The following GRAMD2A variants were observed in gnomAD, a reference collection of about 807,000 sequenced individuals.
GRAMD2A encodes the protein GRAM domain containing 2A, also known as GRAM domain-containing protein 2A.
Under a neutral mutation model 51.1 loss-of-function variants are expected in GRAMD2A, and 37 were observed. The ratio of observed to expected loss-of-function variants is 0.72; its 90% confidence interval spans 0.56 to 0.95. The LOEUF is 0.95. Among genes scored for constraint, GRAMD2A ranks in the 40% least tolerant of loss-of-function variants. The probability of loss-of-function intolerance (pLI) is 0.00; values close to 1 mark genes in which losing one functional copy is unlikely to be tolerated. For synonymous variants in GRAMD2A, 136 were observed against 157.1 expected, an observed-to-expected ratio of 0.87 and a Z score of 1.01; for missense variants, 414 against 426.9, an observed-to-expected ratio of 0.97 and a Z score of 0.27.
chr15:72,183,187 GT>G (rs963853579), intron 1 of GRAMD2A, among the ~76,000 whole-genome samples: 137 of 144,736 alleles, frequency 9.5e-4, no homozygotes, highest in African/African-American at 2.6e-3. Context: ...GGGTTTTGTT[GT>G]TTTTTTTTTT....
At chr15:72,193,121 C>T (rs995549963) in intron 1 of GRAMD2A, among the ~76,000 whole-genome samples, 48 of 150,734 alleles carry the variant, frequency 3.2e-4, no homozygotes, top group Non-Finnish European at 4.9e-4. Context: ...AGTGACAGTT[C>T]GTCTCAAAAA....
intron 1 of GRAMD2A, among the ~76,000 whole-genome samples, chr15:72,185,189 G>GTTT (rs761749553): frequency 8.6e-5 from 12 of 139,954 alleles, no homozygotes; most frequent in African/African-American, 1.6e-4. Flanking sequence ...TTTTGTTCCA[G>GTTT]TTTTTTTTTT....
Position 72,168,472 on chromosome 15 carries a change from A to G in GRAMD2A, c.268+19T>C. On this transcript the variant is annotated intron_variant, in intron 4 of 11. Transcript: ENST00000309731. ...AGGCACTCTGGGTGCCTAACCAGCT[A>G]TACCGGGAGACAGCTCACCTTTGAG... is the stretch of plus-strand genomic sequence containing the variant. 6.2e-7 allele frequency: 1 copy of G among 1,602,046 alleles called. No individual in the cohort carries two copies. Among genetic ancestry groups the G allele is most frequent in the Non-Finnish European group, 8.6e-7 (1 of 1,169,394 alleles).
At chr15:72,180,941 C>T (rs770333320) in intron 1 of GRAMD2A, among the ~76,000 whole-genome samples, 4 of 152,176 alleles carry the variant, frequency 2.6e-5, no homozygotes, top group Non-Finnish European at 5.9e-5. Flanking sequence ...CCAGGAGGGA[C>T]CTCTATTAGG....
chr15:72,163,202 G>T (rs568006425), intron 10 of GRAMD2A, 64 bp downstream of exon 10: 1 of 1,107,924 alleles, frequency 9.0e-7, no homozygotes, highest in Non-Finnish European at 1.4e-6. Context: ...ACACTCCAAG[G>T]CCCTTGTTCC....
intron 1 of GRAMD2A, chr15:72,176,031 C>T (rs1229616512): frequency 6.6e-6 from 1 of 152,452 alleles, no homozygotes; most frequent in African/African-American, 2.4e-5. Flanking sequence ...CCTCAAGGCA[C>T]TCAGCCCAGG....
intron 1 of GRAMD2A, among the ~76,000 whole-genome samples, chr15:72,181,935 A>G (rs2081699724): frequency 6.6e-6 from 1 of 152,258 alleles, no homozygotes; most frequent in Non-Finnish European, 1.5e-5. Context: ...TGGGTACACA[A>G]GGAACAGAAG....
chr15:72,166,788 A>G lies in GRAMD2A; in HGVS notation c.472-85T>C. The G allele has an allele frequency of 8.3e-7, 1 of 1,201,988 alleles. No homozygotes were observed. 74.5% of individuals were successfully genotyped at this position (1,201,988 alleles called of 1,614,324 possible). A position where few individuals can be genotyped will look rare whatever the true frequency, so the allele number is the denominator to read the frequency against. Reference sequence around the variant, plus strand: ...GCCAGCCCCCTTGTGGATTGGGCACAGGCCCACAGGGGTATCAGGCCATGA... The same window carrying G: ...GCCAGCCCCCTTGTGGATTGGGCACGGGCCCACAGGGGTATCAGGCCATGA... On this transcript the variant is annotated intron_variant, in intron 6 of 11. Coordinates refer to ENST00000309731, the MANE Select transcript of GRAMD2A (RefSeq NM_001012642.3). This position sits in a 1 kb window ranked among gnomAD's most constrained non-coding sequence, Gnocchi z 4.1.
chr15:72,164,841 A>G (rs2081523925), intron 8 of GRAMD2A, among the ~76,000 whole-genome samples: 1 of 152,150 alleles, frequency 6.6e-6, no homozygotes, highest in Admixed American at 6.5e-5. Flanking sequence ...TGTTCTACTC[A>G]GAAAGTCAGC....
chr15:72,165,777 A>C (rs2081536338), intron 7 of GRAMD2A, among the ~76,000 whole-genome samples: 1 of 152,216 alleles, frequency 6.6e-6, no homozygotes, highest in Non-Finnish European at 1.5e-5. Context: ...AGATTTTTCA[A>C]CTTTATGATG....
chr15:72,182,219 G>T (rs561876553), intron 1 of GRAMD2A, among the ~76,000 whole-genome samples: 1 of 152,062 alleles, frequency 6.6e-6, no homozygotes, highest in East Asian at 1.9e-4. Context: ...ACAAAAATCA[G>T]CTGGGCGTGG....
intron 1 of GRAMD2A, among the ~76,000 whole-genome samples, chr15:72,192,068 T>A (rs776074426): frequency 1.9e-4 from 29 of 152,344 alleles, no homozygotes; most frequent in Non-Finnish European, 3.1e-4. Context: ...TTAAAGGCTC[T>A]TTTATAGATA....
At chr15:72,173,312 T>C (rs1350335278) in intron 1 of GRAMD2A, among the ~76,000 whole-genome samples, 1 of 152,104 alleles carries the variant, frequency 6.6e-6, no homozygotes, top group Non-Finnish European at 1.5e-5. Context: ...ACCAAACACA[T>C]CCTTAGGTTC....
At chr15:72,162,790 G>A in intron 10 of GRAMD2A, 1 of 215,706 alleles carries the variant, frequency 4.6e-6, no homozygotes, top group South Asian at 8.4e-5. Context: ...GGCCAGCCGA[G>A]CCAGAGGAGG....
chr15:72,194,338 A>T (rs1419426754), intron 1 of GRAMD2A, among the ~76,000 whole-genome samples: 1 of 152,256 alleles, frequency 6.6e-6, no homozygotes, highest in East Asian at 1.9e-4. Flanking sequence ...AATTCTGAAA[A>T]TAAATGAAAC....
At chr15:72,173,489 G>T (rs1396589980) in intron 1 of GRAMD2A, 1 of 152,198 alleles carries the variant, frequency 6.6e-6, no homozygotes, top group African/African-American at 2.4e-5. Context: ...GGGGCTCACA[G>T]ACTCTGCCTG....
At chr15:72,175,275 A>G (rs36114006) in intron 1 of GRAMD2A, among the ~76,000 whole-genome samples, 9,941 of 152,148 alleles carry the variant, frequency 0.065, 470 homozygotes, top group Non-Finnish European at 0.1. Flanking sequence ...CAGCTCCCTG[A>G]CCAAAACTGC....
chr15:72,194,726 C>T lies in GRAMD2A; in HGVS notation c.41+3005G>A, dbSNP rs181591127. 1.6e-3 allele frequency among the ~76,000 whole-genome samples: 247 copies of T among 152,030 alleles called. 3 individuals are homozygous for T. In the Middle Eastern group the frequency reaches 0.017, roughly 10 times the overall value. ...ATTTTGAGACAGAGTCTCACTCTGT[C>T]GCCCGGGCTGGAATGCAGTTGCGTG... is the stretch of plus-strand genomic sequence containing the variant. On this transcript the variant is annotated intron_variant, in intron 1 of 11. Transcript: ENST00000309731.
intron 1 of GRAMD2A, among the ~76,000 whole-genome samples, chr15:72,195,737 T>A (rs1304789699): frequency 6.6e-6 from 1 of 151,996 alleles, no homozygotes; most frequent in African/African-American, 2.4e-5. Context: ...CTGACCAACA[T>A]GGAGAAACCC....
Sources: gnomAD v4.1 joint callset for allele counts (sites outside exome capture counted in the v4.1 genomes callset) on GRCh38, gnomAD v4.1.1 for gene constraint, Gnocchi (gnomAD v3.1) non-coding constraint, MANE v1.5 for transcripts, NCBI Gene and HGNC (gene_info 2026-07-23, HGNC 2026-07-21) for gene names.